CFAP47: variants seen among roughly 807,000 people sequenced by gnomAD.
The protein encoded by CFAP47 is cilia- and flagella-associated protein 47.
CFAP47 carries 29 observed loss-of-function variants against 148.1 expected under a neutral mutation model. The ratio of observed to expected loss-of-function variants is 0.20; its 90% CI spans 0.15 to 0.27. The LOEUF (loss-of-function observed/expected upper bound fraction) is 0.27, where lower values mean the gene tolerates loss of function less well. Among genes scored for constraint, CFAP47 ranks in the 10% least tolerant of loss-of-function variants. CFAP47 has a pLI of 1.00. For synonymous variants in CFAP47, 664 were observed against 577.3 expected (o/e 1.15, Z -2.15); for missense variants, 1,872 against 1,697.5 (o/e 1.10, Z -1.81).
intron 33 of CFAP47, among the ~76,000 whole-genome samples, chrX:36,133,290 C>T (rs139408926): frequency 0.021 from 2,351 of 110,889 alleles, 72 homozygotes; most frequent in African/African-American, 0.074. Context: ...CAATTCACTC[C>T]GACTTCTGTA....
At chrX:36,240,497 A>G (rs1328359859) in intron 48 of CFAP47, among the ~76,000 whole-genome samples, 4 of 111,707 alleles carry the variant, frequency 3.6e-5, no homozygotes, top group Non-Finnish European at 5.6e-5. Context: ...AGAATTATTA[A>G]TTATACAGCC....
chrX:36,004,457 A>G (rs1394703666), intron 21 of CFAP47, among the ~76,000 whole-genome samples: 2 of 111,547 alleles, frequency 1.8e-5, no homozygotes, highest in Non-Finnish European at 3.8e-5. Flanking sequence ...TTTTATGTGA[A>G]TGCTCATAGC....
chrX:36,348,954 A>C (rs1406872768), intron 58 of CFAP47, among the ~76,000 whole-genome samples: 1 of 111,321 alleles, frequency 9.0e-6, no homozygotes, highest in African/African-American at 3.3e-5. Context: ...ATTTTTTGCC[A>C]GTTCTTTACT....
At chrX:36,031,516 T>G (rs764320583) in intron 23 of CFAP47, among the ~76,000 whole-genome samples, 169 bp downstream of exon 23, 32 of 110,190 alleles carry the variant, frequency 2.9e-4, no homozygotes, top group African/African-American at 1.0e-3. Context: ...TTTAGAAAAC[T>G]TACAGATAAA....
chrX:36,033,167 A>T (rs1471594940), intron 23 of CFAP47, among the ~76,000 whole-genome samples: 1 of 112,203 alleles, frequency 8.9e-6, no homozygotes, highest in African/African-American at 3.2e-5. Flanking sequence ...GTTTGTGGTA[A>T]TCTGTTATGG....
chrX:36,317,056 G>A (rs782362149), intron 56 of CFAP47, among the ~76,000 whole-genome samples: 1 of 111,802 alleles, frequency 8.9e-6, no homozygotes, highest in Non-Finnish European at 1.9e-5. Context: ...CAAATTTCTG[G>A]GCTTATGAGC....
chrX:36,216,951 T>G (rs192637020), intron 45 of CFAP47, among the ~76,000 whole-genome samples: 11 of 112,339 alleles, frequency 9.8e-5, no homozygotes, highest in African/African-American at 3.5e-4. Context: ...TCTAATGTAT[T>G]AGTTCCGTAA....
At chrX:36,248,584 C>T (rs1436548292) in intron 48 of CFAP47, among the ~76,000 whole-genome samples, 1 of 106,526 alleles carries the variant, frequency 9.4e-6, no homozygotes, top group Non-Finnish European at 1.9e-5. Context: ...TCAGAAACAA[C>T]AATGTTAGTT....
intron 51 of CFAP47, among the ~76,000 whole-genome samples, chrX:36,286,518 G>A (rs943247240): frequency 3.6e-5 from 4 of 110,490 alleles, no homozygotes; most frequent in Admixed American, 9.7e-5. Context: ...AGGCATAGAA[G>A]ATGAATGATT....
Position 35,951,241 on chromosome X carries a change from A to G in CFAP47, c.767A>G (p.His256Arg). 8.3e-7 allele frequency: 1 copy of G among 1,208,868 alleles called. No individual in the cohort carries two copies. The highest frequency in any genetic ancestry group is 1.1e-6 in the Non-Finnish European group (1 of 893,154). The change falls in exon 5 of 64, where the codon CAC (histidine) becomes CGC (arginine). Residue 256 changes from histidine to arginine, a missense_variant. Physicochemically the swap from His to Arg is conservative, Grantham distance 29. Coordinates refer to ENST00000378653, the MANE Select transcript of CFAP47 (RefSeq NM_001304548.2). ...AGTGACAGAAGGCTGGAATGCATAC[A>G]CTTTGGTCCTGTTTTCTTCGGATCA... ...MSSDRRLECI[H>R]FGPVFFGSSK...
At chrX:36,250,712 T>G in intron 48 of CFAP47, among the ~76,000 whole-genome samples, 1 of 110,217 alleles carries the variant, frequency 9.1e-6, no homozygotes, top group Middle Eastern at 4.7e-3. Context: ...TATGAAAAAG[T>G]TTTTAAAAGT....
At position 35,926,038 on chromosome X, in the gene CFAP47, C is replaced by A. The variant is rs776569659; in HGVS notation, c.271C>A (p.Leu91Met). 7.5e-6 allele frequency: 9 copies of A among 1,205,263 alleles called. No individual in the cohort carries two copies. The Admixed American group carries it at 2.0e-4, about 26-fold the overall frequency. ...KPQFKLMLTSLDKELASGLQM... is the reference protein window; with the variant it reads ...KPQFKLMLTSMDKELASGLQM... The stretch of plus-strand genomic sequence containing the variant: ...GAAGTTCAAACTGATGTTGACCAGT[C>A]TGGATAAAGAACTTGCTTCTGGCCT... Residue 91 changes from leucine to methionine, a missense_variant, in exon 2 of 64, where the codon CTG becomes ATG. Coordinates refer to ENST00000378653, the MANE Select transcript of CFAP47 (RefSeq NM_001304548.2).
At position 36,384,785 on chromosome X, in the gene CFAP47, C is replaced by T. The variant is rs1942111971; in HGVS notation, c.9355-12C>T. On this transcript the variant is annotated splice_polypyrimidine_tract_variant and intron_variant, in intron 63 of 63. Transcript: ENST00000378653. ...ATATTTCAAATGAAAATTTCTCCCTCTTTCTATCCAGACAGAAGAAATGTA... is the reference window on the plus strand; with the variant it reads ...ATATTTCAAATGAAAATTTCTCCCTTTTTCTATCCAGACAGAAGAAATGTA... 1 of 1,141,619 alleles carries T rather than the reference C, an allele frequency of 8.8e-7. No homozygotes were observed. The highest frequency in any genetic ancestry group is 1.9e-5 in the South Asian group (1 of 51,893). The allele number at this position is 1,141,619 out of a possible 1,213,427, so 94.1% of individuals were successfully genotyped here. A position where few individuals can be genotyped will look rare whatever the true frequency, so the allele number is the denominator to read the frequency against.
Position 35,956,064 on chromosome X carries a change from G to A in CFAP47, c.1278G>A (p.Met426Ile). 1 of 1,211,082 alleles carries A rather than the reference G, an allele frequency of 8.3e-7. No individual in the cohort carries two copies. Among genetic ancestry groups the A allele is most frequent in the Non-Finnish European group, 1.1e-6 (1 of 894,978 alleles). ...TTCTTAATTTTAAACCTTGTTTCAT[G>A]GGTGAACGTTCAGAAATTCAGTGCA... ...GPVLNFKPCF[M>I]GERSEIQCII... The change falls in exon 8 of 64, where the codon ATG (methionine) becomes ATA (isoleucine). Residue 426 changes from methionine (M) to isoleucine (I), a missense_variant. By Grantham distance (10) the Met-to-Ile change is conservative. Transcript: ENST00000378653.
chrX:36,148,537 C>G (rs918073762), intron 36 of CFAP47, among the ~76,000 whole-genome samples: 4 of 111,891 alleles, frequency 3.6e-5, no homozygotes, highest in African/African-American at 1.3e-4. Flanking sequence ...AAGAAGTACT[C>G]TTTTGTAATA....
intron 3 of CFAP47, among the ~76,000 whole-genome samples, chrX:35,946,956 A>G (rs191880837): frequency 9.0e-6 from 1 of 111,640 alleles, no homozygotes; most frequent in East Asian, 2.8e-4. Context: ...CATTACCATA[A>G]ATTATGAACC....
chrX:36,124,592 C>G (rs1009320280), intron 33 of CFAP47, among the ~76,000 whole-genome samples: 2 of 111,359 alleles, frequency 1.8e-5, no homozygotes, highest in African/African-American at 6.5e-5. Context: ...TGCAATATCC[C>G]TCTCCCCAGT....
chrX:36,320,328 T>C (rs1372048452), intron 57 of CFAP47, among the ~76,000 whole-genome samples: 1 of 112,376 alleles, frequency 8.9e-6, no homozygotes, highest in Non-Finnish European at 1.9e-5. Flanking sequence ...AAATACTGAC[T>C]GAAATAAATA....
At chrX:36,275,363 C>T (rs782037479) in intron 49 of CFAP47, among the ~76,000 whole-genome samples, 1 of 109,900 alleles carries the variant, frequency 9.1e-6, no homozygotes, top group Admixed American at 9.8e-5. Context: ...CATGAACCAC[C>T]ACAACTGACC....
Sources: gnomAD v4.1 joint callset for allele counts (sites outside exome capture counted in the v4.1 genomes callset) on GRCh38, gnomAD v4.1.1 for gene constraint, MANE v1.5 for transcripts, NCBI Gene and HGNC (gene_info 2026-07-23, HGNC 2026-07-21) for gene names.